Variants in PXDNL observed in about 807,000 individuals in gnomAD.
PXDNL encodes probable oxidoreductase PXDNL.
In PXDNL, 145 loss-of-function variants were observed where a neutral mutation model predicts 150.8. The observed-to-expected ratio is 0.96, with a 90% CI of 0.84 to 1.10. The LOEUF (loss-of-function observed/expected upper bound fraction) is 1.10. Ranked by LOEUF, PXDNL falls within the 50% of genes least tolerant of loss-of-function variation. The pLI is 0.00. For synonymous variants in PXDNL, 757 were observed against 725.7 expected (o/e 1.04, Z -0.69); for missense variants, 2,087 against 1,873.9 (o/e 1.11, Z -2.10).
At chr8:51,645,799 G>C (rs1022949998) in intron 2 of PXDNL, among the ~76,000 whole-genome samples, 1 of 152,130 alleles carries the variant, frequency 6.6e-6, no homozygotes, top group African/African-American at 2.4e-5. Flanking sequence ...GATGCTGACA[G>C]GCCTCAGATG....
intron 19 of PXDNL, among the ~76,000 whole-genome samples, chr8:51,368,125 C>G (rs993896334): frequency 6.6e-6 from 1 of 151,962 alleles, no homozygotes; most frequent in African/African-American, 2.4e-5. Flanking sequence ...ACGAGCAAAA[C>G]TCCATCTCAA....
At chr8:51,682,208 C>T (rs1210228361) in intron 1 of PXDNL, among the ~76,000 whole-genome samples, 3 of 152,038 alleles carry the variant, frequency 2.0e-5, no homozygotes, top group African/African-American at 7.3e-5. Context: ...CTTACATGCT[C>T]AGAAAGAGTT....
rs575949907 is a variant in PXDNL, at chr8:51,392,716, T to C, written c.3557+15351A>G. 2.6e-5 allele frequency among the ~76,000 whole-genome samples: 4 copies of C among 152,310 alleles called. No homozygotes were observed. The East Asian group carries it at 7.7e-4, about 29-fold the overall frequency. On this transcript the variant is annotated intron_variant, in intron 17 of 22. Coordinates refer to ENST00000356297, the MANE Select transcript of PXDNL (RefSeq NM_144651.5). ...ACAATTTGACTTCCTCTTTTCCTAA[T>C]TGAATACCCTTTATTTCCTTCTCCT... is the stretch of plus-strand genomic sequence containing the variant.
chr8:51,643,930 C>G (rs182392091), intron 2 of PXDNL, among the ~76,000 whole-genome samples: 12 of 151,888 alleles, frequency 7.9e-5, no homozygotes, highest in Non-Finnish European at 1.3e-4. Flanking sequence ...CCAACAGACA[C>G]GTGAAAAAAT....
intron 3 of PXDNL, among the ~76,000 whole-genome samples, chr8:51,584,388 G>A (rs930816068): frequency 5.9e-5 from 9 of 152,248 alleles, no homozygotes; most frequent in Admixed American, 5.9e-4. Flanking sequence ...TGCCTGCTCT[G>A]CTTCTGTTCC....
chr8:51,344,362 C>T (rs1246970569), intron 20 of PXDNL, among the ~76,000 whole-genome samples: 1 of 152,078 alleles, frequency 6.6e-6, no homozygotes, highest in Non-Finnish European at 1.5e-5. Flanking sequence ...TCAGGTGATG[C>T]TCCCACCTCA....
intron 17 of PXDNL, among the ~76,000 whole-genome samples, chr8:51,389,938 A>C (rs143017881): frequency 3.9e-5 from 6 of 152,288 alleles, no homozygotes; most frequent in African/African-American, 1.4e-4. Context: ...AACAAAGAAA[A>C]GGTTTTAATA....
chr8:51,536,053 G>T (rs544771207), intron 4 of PXDNL, among the ~76,000 whole-genome samples: 6 of 152,326 alleles, frequency 3.9e-5, no homozygotes, highest in Non-Finnish European at 7.3e-5. Context: ...CCCTGGCCAT[G>T]GTGATCGGGC....
intron 4 of PXDNL, among the ~76,000 whole-genome samples, chr8:51,554,907 T>C (rs561321492): frequency 6.6e-6 from 1 of 152,310 alleles, no homozygotes; most frequent in South Asian, 2.1e-4. Context: ...TAATGATCTG[T>C]TCATGGCAAT....
intron 4 of PXDNL, among the ~76,000 whole-genome samples, chr8:51,502,580 C>T (rs1276115195): frequency 1.3e-5 from 2 of 152,084 alleles, no homozygotes; most frequent in Non-Finnish European, 2.9e-5. Context: ...AAAGGAGTCA[C>T]GAGCCGGGTC....
intron 1 of PXDNL, among the ~76,000 whole-genome samples, chr8:51,773,992 G>T (rs893625611): frequency 6.6e-6 from 1 of 152,172 alleles, no homozygotes; most frequent in African/African-American, 2.4e-5. Flanking sequence ...ATAATGAAAA[G>T]ATAGTTAATA....
intron 19 of PXDNL, 59 bp from the exon 20 acceptor site, chr8:51,346,006 C>T: frequency 9.6e-7 from 1 of 1,039,816 alleles, no homozygotes; most frequent in Non-Finnish European, 1.5e-6. Context: ...ATGATCTCAT[C>T]TAGATCATTT....
chr8:51,656,796 T>C (rs974808184), intron 1 of PXDNL, among the ~76,000 whole-genome samples: 11 of 152,340 alleles, frequency 7.2e-5, no homozygotes, highest in African/African-American at 2.6e-4. Flanking sequence ...GTATGTTTAC[T>C]ACACAAATTA....
chr8:51,462,180 A>G (rs1332121881), intron 8 of PXDNL, among the ~76,000 whole-genome samples: 1 of 151,448 alleles, frequency 6.6e-6, no homozygotes, highest in African/African-American at 2.5e-5. Context: ...CAAAGAGATA[A>G]AGGAACACCA....
At chr8:51,640,473 T>A (rs199786292) in intron 2 of PXDNL, among the ~76,000 whole-genome samples, 2 of 152,228 alleles carry the variant, frequency 1.3e-5, no homozygotes, top group South Asian at 2.1e-4. Flanking sequence ...TCAGCCCAAA[T>A]TCTCCTTAAG....
At chr8:51,799,582 T>C (rs1043020305) in intron 1 of PXDNL, among the ~76,000 whole-genome samples, 1 of 152,210 alleles carries the variant, frequency 6.6e-6, no homozygotes, top group Non-Finnish European at 1.5e-5. Context: ...TGGTGGCTGC[T>C]TTTAGCTAAC....
At chr8:51,327,735 A>G (rs538736216) in intron 21 of PXDNL, among the ~76,000 whole-genome samples, 7 of 152,140 alleles carry the variant, frequency 4.6e-5, no homozygotes, top group East Asian at 1.9e-4. Context: ...ACATAAAGCA[A>G]CTCCAGCATT....
intron 19 of PXDNL, among the ~76,000 whole-genome samples, chr8:51,354,372 T>G (rs965344431): frequency 2.0e-5 from 3 of 152,206 alleles, no homozygotes; most frequent in East Asian, 1.9e-4. Flanking sequence ...AATAAGTAGA[T>G]TGGTAACAAG....
intron 5 of PXDNL, among the ~76,000 whole-genome samples, chr8:51,492,589 C>A (rs887914855): frequency 2.7e-4 from 41 of 152,192 alleles, no homozygotes; most frequent in African/African-American, 9.4e-4. Flanking sequence ...CACCCTAATA[C>A]TATGCTTTTC....
Sources: gnomAD v4.1 joint callset for allele counts (sites outside exome capture counted in the v4.1 genomes callset) on GRCh38, gnomAD v4.1.1 for gene constraint, MANE v1.5 for transcripts, NCBI Gene and HGNC (gene_info 2026-07-23, HGNC 2026-07-21) for gene names.